TCF7L1: variants seen among roughly 807,000 people sequenced by gnomAD.
The protein encoded by TCF7L1 is transcription factor 7-like 1.
Under a neutral mutation model 63.7 loss-of-function variants are expected in TCF7L1, and 18 were observed. The observed-to-expected ratio is 0.28, with a 90% confidence interval of 0.20 to 0.42. The LOEUF (loss-of-function observed/expected upper bound fraction) is 0.42. Among genes scored for constraint, TCF7L1 ranks in the 10% least tolerant of loss-of-function variants. The probability of loss-of-function intolerance (pLI) is 1.00; values close to 1 mark genes in which losing one functional copy is unlikely to be tolerated. For missense variants in TCF7L1, 654 were observed against 779.3 expected (o/e 0.84, Z 1.91); for synonymous variants, 355 against 340.9 (o/e 1.04, Z -0.46).
At chr2:85,268,613 TG>T in intron 3 of TCF7L1, among the ~76,000 whole-genome samples, 1 of 152,046 alleles carries the variant, frequency 6.6e-6, no homozygotes, top group Non-Finnish European at 1.5e-5. Flanking sequence ...GGCTAGTTTT[TG>T]TACTTTTCAT....
intron 3 of TCF7L1, among the ~76,000 whole-genome samples, chr2:85,163,889 C>T (rs1678347728): frequency 6.6e-6 from 1 of 152,118 alleles, no homozygotes; most frequent in Admixed American, 6.5e-5. Flanking sequence ...ACTGTAATGA[C>T]CTCATTTAAC....
At chr2:85,142,432 ATGTGTGTG>A (rs138067915) in intron 3 of TCF7L1, among the ~76,000 whole-genome samples, 162 of 138,056 alleles carry the variant, frequency 1.2e-3, no homozygotes, top group African/African-American at 2.3e-3. Flanking sequence ...AAAAAAAAAA[ATGTGTGTG>A]TGTGTGTGTG....
At chr2:85,283,316 A>T (rs1297539118) in intron 3 of TCF7L1, among the ~76,000 whole-genome samples, 179 bp from the exon 4 acceptor site, 1 of 148,118 alleles carries the variant, frequency 6.8e-6, no homozygotes, top group African/African-American at 2.6e-5. Context: ...GTGATTGTAA[A>T]TATATGCTCG....
At chr2:85,160,111 C>T (rs1381992842) in intron 3 of TCF7L1, among the ~76,000 whole-genome samples, 2 of 152,100 alleles carry the variant, frequency 1.3e-5, no homozygotes, top group African/African-American at 2.4e-5. Context: ...ATACAGTTTA[C>T]GAGTTTTAAC....
At chr2:85,283,469 CT>C in intron 3 of TCF7L1, 25 bp from the exon 4 acceptor site, 3 of 1,613,756 alleles carry the variant, frequency 1.9e-6, no homozygotes, top group East Asian at 2.2e-5. Context: ...TCACCAACAG[CT>C]TTTTCTTTTC....
At chr2:85,305,128 C>G in intron 7 of TCF7L1, 132 bp from the exon 8 acceptor site, 1 of 1,208,742 alleles carries the variant, frequency 8.3e-7, no homozygotes, top group Non-Finnish European at 1.2e-6. Flanking sequence ...CGACAAATAG[C>G]CTTCTAGTCC....
At chr2:85,274,907 G>A (rs1214769973) in intron 3 of TCF7L1, among the ~76,000 whole-genome samples, 6 of 152,154 alleles carry the variant, frequency 3.9e-5, no homozygotes, top group African/African-American at 1.4e-4. Context: ...GTCCTCTCCA[G>A]TGTGAGAGGA....
At chr2:85,302,010 C>T (rs1681991252) in intron 4 of TCF7L1, among the ~76,000 whole-genome samples, 1 of 152,030 alleles carries the variant, frequency 6.6e-6, no homozygotes, top group South Asian at 2.1e-4. Flanking sequence ...CGCCTGTAAT[C>T]CCAGCTACTC....
intron 4 of TCF7L1, among the ~76,000 whole-genome samples, chr2:85,285,806 A>G (rs987715614): frequency 4.6e-5 from 7 of 152,176 alleles, no homozygotes; most frequent in African/African-American, 9.7e-5. Context: ...CCACTCCTGA[A>G]GACCTGAGAT....
chr2:85,305,395 A>T lies in TCF7L1; in HGVS notation c.981A>T (p.Ala327=). Residue 327 remains alanine (A), a synonymous_variant, in exon 8 of 12, where the codon GCA becomes GCT. Coordinates refer to ENST00000282111, the MANE Select transcript of TCF7L1 (RefSeq NM_031283.3). ...QEPAPPSLSP[A]VSVKSPVTVK... is the part of the protein sequence containing the mutation. ...CGGCACCCCCCAGCCTGAGCCCTGC[A>T]GTGAGCGTGTAAGTAAGCGGCAGCC... 1 of 1,610,644 alleles carries T rather than the reference A, an allele frequency of 6.2e-7. No homozygotes were observed. The highest frequency in any genetic ancestry group is 8.5e-7 in the Non-Finnish European group (1 of 1,178,330).
chr2:85,192,609 C>T (rs1450882303), intron 3 of TCF7L1, among the ~76,000 whole-genome samples: 1 of 151,906 alleles, frequency 6.6e-6, no homozygotes, highest in Non-Finnish European at 1.5e-5. Context: ...TCTCGAACTC[C>T]TGGCCTCAGG....
chr2:85,181,285 G>A (rs562446897), intron 3 of TCF7L1, among the ~76,000 whole-genome samples: 32 of 152,352 alleles, frequency 2.1e-4, no homozygotes, highest in Non-Finnish European at 4.1e-4. Context: ...TGTATTCCTT[G>A]TCTAACTTGG....
At chr2:85,281,809 C>G (rs1251885953) in intron 3 of TCF7L1, among the ~76,000 whole-genome samples, 1 of 152,160 alleles carries the variant, frequency 6.6e-6, no homozygotes, top group Admixed American at 6.5e-5. Flanking sequence ...TGCCCATGGA[C>G]ACCTTTTTGA....
intron 3 of TCF7L1, among the ~76,000 whole-genome samples, chr2:85,175,269 G>T (rs142598533): frequency 1.3e-5 from 2 of 152,300 alleles, no homozygotes; most frequent in African/African-American, 4.8e-5. Flanking sequence ...ACCACCCCCT[G>T]CCCCCACAAT....
chr2:85,184,362 A>G (rs761844697), intron 3 of TCF7L1, among the ~76,000 whole-genome samples: 4 of 152,154 alleles, frequency 2.6e-5, no homozygotes, highest in Non-Finnish European at 5.9e-5. Context: ...GGGGAGAGGC[A>G]GTGTTCGGGA....
intron 4 of TCF7L1, among the ~76,000 whole-genome samples, chr2:85,301,211 T>C (rs1681964505): frequency 6.6e-6 from 1 of 152,192 alleles, no homozygotes; most frequent in Non-Finnish European, 1.5e-5. Context: ...GAGAGACAGG[T>C]TGTACAAGAG....
intron 3 of TCF7L1, among the ~76,000 whole-genome samples, chr2:85,230,460 A>G (rs1369818006): frequency 1.3e-5 from 2 of 152,054 alleles, no homozygotes; most frequent in East Asian, 1.9e-4. Flanking sequence ...CAGCCTCCCA[A>G]GTAGCTGTGA....
Position 85,283,866 on chromosome 2 carries a change from G to A in TCF7L1, c.525+288G>A, listed in dbSNP as rs553941120. On this transcript the variant is annotated intron_variant, in intron 4 of 11. Transcript: ENST00000282111. ...CAGAAGCCTGCCTGCGATCCTTCCC[G>A]GCTGCCATCTGAACCCGCTGCCCAC... 7.9e-5 allele frequency among the ~76,000 whole-genome samples: 12 copies of A among 152,286 alleles called. No individual in the cohort carries two copies. The South Asian group carries it at 1.5e-3, about 18-fold the overall frequency.
At chr2:85,178,784 A>G (rs575399414) in intron 3 of TCF7L1, among the ~76,000 whole-genome samples, 2 of 152,260 alleles carry the variant, frequency 1.3e-5, no homozygotes, top group East Asian at 3.9e-4. Flanking sequence ...TGAGAACCAC[A>G]GAGACAAGAC....
Sources: gnomAD v4.1 joint callset for allele counts (sites outside exome capture counted in the v4.1 genomes callset) on GRCh38, gnomAD v4.1.1 for gene constraint, MANE v1.5 for transcripts, NCBI Gene and HGNC (gene_info 2026-07-23, HGNC 2026-07-21) for gene names.